GABRB1: variants seen among roughly 807,000 people sequenced by gnomAD.
GABRB1 encodes the protein gamma-aminobutyric acid receptor subunit beta-1.
Under a neutral mutation model 51.6 loss-of-function variants are expected in GABRB1, and 17 were observed. That is an observed-to-expected ratio of 0.33 (90% CI 0.23 to 0.49). The LOEUF (loss-of-function observed/expected upper bound fraction) is 0.49, where lower values mean the gene tolerates loss of function less well. Ranked by LOEUF, GABRB1 falls within the 20% of genes least tolerant of loss-of-function variation. The pLI is 0.99. For synonymous variants in GABRB1, 247 were observed against 218.9 expected, an observed-to-expected ratio of 1.13 and a Z score of -1.14; for missense variants, 410 against 600.6, an observed-to-expected ratio of 0.68 and a Z score of 3.32.
rs1030190071 is a variant in GABRB1 at position 47,238,246 on chromosome 4, G to A, written c.461+76777G>A. On this transcript the variant is annotated intron_variant, in intron 4 of 8. Coordinates refer to ENST00000295454, the MANE Select transcript of GABRB1 (RefSeq NM_000812.4). Reference sequence around the variant, plus strand: ...TATAAACATAATTAATAAGCTGTCAGTATTCAAAATACAGAGAAAACTGTG... The same window carrying A: ...TATAAACATAATTAATAAGCTGTCAATATTCAAAATACAGAGAAAACTGTG... 7.2e-5 allele frequency among the ~76,000 whole-genome samples: 11 copies of A among 151,968 alleles called. No homozygotes were observed. The East Asian group carries it at 1.9e-3, about 27-fold the overall frequency.
intron 4 of GABRB1, among the ~76,000 whole-genome samples, chr4:47,178,136 T>C (rs772439572): frequency 1.3e-5 from 2 of 152,092 alleles, no homozygotes; most frequent in Non-Finnish European, 2.9e-5. Flanking sequence ...TTCTTCAATA[T>C]GATCATCATA....
chr4:47,189,960 TC>T (rs1264293365), intron 4 of GABRB1, among the ~76,000 whole-genome samples: 1 of 152,082 alleles, frequency 6.6e-6, no homozygotes, highest in African/African-American at 2.4e-5. Flanking sequence ...CAGTGGCCCA[TC>T]TTTTTATGAT....
intron 3 of GABRB1, among the ~76,000 whole-genome samples, chr4:47,077,988 TATATA>T (rs1448174731): frequency 2.7e-4 from 37 of 136,958 alleles, no homozygotes; most frequent in African/African-American, 7.4e-4. Context: ...TAATATATAA[TATATA>T]ATATATATAT....
Position 47,306,389 on chromosome 4 carries a change from T to C in GABRB1, c.462-13738T>C, listed in dbSNP as rs151228047. On this transcript the variant is annotated intron_variant, in intron 4 of 8. Transcript: ENST00000295454. ...GTGAGAAGAAGGTGCGGGGTAGAGA[T>C]AGAAGGTGCGAAGTAGAGATGGGAG... is the stretch of plus-strand genomic sequence containing the variant. 7.4e-4 allele frequency among the ~76,000 whole-genome samples: 108 copies of C among 145,948 alleles called. 3 individuals carry two copies. Among genetic ancestry groups the C allele is most frequent in the African/African-American group, 1.8e-3 (71 of 39,186 alleles).
chr4:46,996,963 AG>A, intron 1 of GABRB1, among the ~76,000 whole-genome samples: 1 of 152,158 alleles, frequency 6.6e-6, no homozygotes, highest in Non-Finnish European at 1.5e-5. Flanking sequence ...TTGTAGATAT[AG>A]GCCCAGTTTG....
At chr4:47,414,539 G>A (rs972429979) in intron 8 of GABRB1, among the ~76,000 whole-genome samples, 3 of 152,180 alleles carry the variant, frequency 2.0e-5, no homozygotes, top group Non-Finnish European at 4.4e-5. Context: ...GGAGGCAGGT[G>A]TACCCTAACA....
chr4:47,294,559 G>T (rs1029292927), intron 4 of GABRB1, among the ~76,000 whole-genome samples: 2 of 152,234 alleles, frequency 1.3e-5, no homozygotes, highest in Non-Finnish European at 2.9e-5. Flanking sequence ...GGGGAGGGGC[G>T]CCCGCCATTG....
intron 4 of GABRB1, among the ~76,000 whole-genome samples, chr4:47,175,332 C>A (rs1483268373): frequency 3.3e-5 from 5 of 152,074 alleles, no homozygotes; most frequent in African/African-American, 9.7e-5. Flanking sequence ...GCTGGGATTA[C>A]AAGCATGAAT....
intron 3 of GABRB1, among the ~76,000 whole-genome samples, chr4:47,057,382 A>G (rs1398103697): frequency 6.6e-6 from 1 of 152,258 alleles, no homozygotes; most frequent in Non-Finnish European, 1.5e-5. Flanking sequence ...TTATTTAAAA[A>G]GAATTTCCCT....
chr4:47,092,301 T>C (rs536079847), intron 3 of GABRB1, among the ~76,000 whole-genome samples: 2 of 150,020 alleles, frequency 1.3e-5, no homozygotes, highest in South Asian at 4.3e-4. Flanking sequence ...GCCTCCTAAA[T>C]AGCTGGGATT....
chr4:47,321,510 T>G (rs1338754596), intron 5 of GABRB1, among the ~76,000 whole-genome samples: 1 of 152,216 alleles, frequency 6.6e-6, no homozygotes, highest in Admixed American at 6.5e-5. Context: ...AAGAAGTTAT[T>G]AAGTATTGAA....
intron 4 of GABRB1, among the ~76,000 whole-genome samples, chr4:47,268,971 G>C (rs1471567672): frequency 6.6e-6 from 1 of 152,072 alleles, no homozygotes; most frequent in Non-Finnish European, 1.5e-5. Context: ...AACCCAAGCT[G>C]TTTTATTTTC....
chr4:47,217,124 GATA>G (rs1376341153), intron 4 of GABRB1, among the ~76,000 whole-genome samples: 1 of 151,702 alleles, frequency 6.6e-6, no homozygotes, highest in Non-Finnish European at 1.5e-5. Flanking sequence ...TAAAACATTG[GATA>G]ATAACACCCT....
intron 3 of GABRB1, among the ~76,000 whole-genome samples, chr4:47,117,585 T>C (rs945633675): frequency 2.0e-5 from 3 of 152,240 alleles, no homozygotes; most frequent in African/African-American, 7.2e-5. Context: ...TATATTTGGT[T>C]CTACCACTTA....
At chr4:47,060,488 T>A (rs1226394457) in intron 3 of GABRB1, among the ~76,000 whole-genome samples, 1 of 152,170 alleles carries the variant, frequency 6.6e-6, no homozygotes, top group Non-Finnish European at 1.5e-5. Flanking sequence ...TTTCTCTTGG[T>A]GGGATTAACT....
intron 4 of GABRB1, among the ~76,000 whole-genome samples, chr4:47,266,818 G>A (rs1722658878): frequency 6.6e-6 from 1 of 152,032 alleles, no homozygotes; most frequent in Non-Finnish European, 1.5e-5. Context: ...TCCAGTTTAT[G>A]TTCAGTGTTT....
At chr4:47,070,524 G>T (rs1412031956) in intron 3 of GABRB1, among the ~76,000 whole-genome samples, 1 of 151,652 alleles carries the variant, frequency 6.6e-6, no homozygotes, top group African/African-American at 2.4e-5. Context: ...TACAGACAGG[G>T]TTTCACCATG....
At chr4:47,377,937 G>A (rs887486591) in intron 5 of GABRB1, among the ~76,000 whole-genome samples, 10 of 152,208 alleles carry the variant, frequency 6.6e-5, no homozygotes, top group African/African-American at 2.4e-4. Context: ...AGACATAAAG[G>A]TTCTCCACGT....
intron 3 of GABRB1, among the ~76,000 whole-genome samples, chr4:47,123,913 A>AATATATG (rs1206709712): frequency 3.9e-5 from 4 of 101,886 alleles, no homozygotes; most frequent in Non-Finnish European, 7.4e-5. Context: ...ATTATATATT[A>AATATATG]ATATATGATA....
Sources: allele counts gnomAD v4.1 joint callset (sites outside exome capture counted in the v4.1 genomes callset), GRCh38; gene constraint gnomAD v4.1.1; transcripts MANE v1.5; gene names NCBI Gene and HGNC (gene_info 2026-07-23, HGNC 2026-07-21).